Variants in KCNQ1 observed in about 807,000 individuals in gnomAD.
KCNQ1 encodes the protein potassium voltage-gated channel subfamily Q member 1, also known as potassium voltage-gated channel subfamily KQT member 1.
Under a neutral mutation model 72.4 loss-of-function variants are expected in KCNQ1, and 49 were observed. That is an observed-to-expected ratio of 0.68 (90% CI 0.54 to 0.86). The LOEUF (loss-of-function observed/expected upper bound fraction) is 0.86, where lower values mean the gene tolerates loss of function less well. Among genes scored for constraint, KCNQ1 ranks in the 40% least tolerant of loss-of-function variants. The probability of loss-of-function intolerance (pLI) is 0.00; values close to 1 mark genes in which losing one functional copy is unlikely to be tolerated. For missense variants in KCNQ1, 790 were observed against 945.1 expected (o/e 0.84, Z 2.15); for synonymous variants, 450 against 412.6 (o/e 1.09, Z -1.10).
intron 1 of KCNQ1, among the ~76,000 whole-genome samples, chr11:2,527,526 TTTAA>T (rs1259481372): frequency 2.0e-5 from 3 of 152,156 alleles, no homozygotes; most frequent in Non-Finnish European, 4.4e-5. Flanking sequence ...ATCCAGAACG[TTTAA>T]TTACCCCAAA....
rs1031832366 is a variant in KCNQ1 at position 2,746,038 on chromosome 11, C to A, written c.1515-22806C>A. Among the ~76,000 whole-genome samples the A allele has an allele frequency of 2.6e-5, 4 of 152,192 alleles. No individual in the cohort carries two copies. The highest frequency in any genetic ancestry group is 4.4e-5 in the Non-Finnish European group (3 of 67,998). On this transcript the variant is annotated intron_variant, in intron 11 of 15. Coordinates refer to ENST00000155840, the MANE Select transcript of KCNQ1 (RefSeq NM_000218.3). This position sits in a 1 kb window ranked among gnomAD's most constrained non-coding sequence, Gnocchi z 5.9. ...CTGAGTAGCTGGGACTACAGGTGTG[C>A]GCCACCACACCTAGCTAATTTTTGT...
chr11:2,639,488 G>T (rs1849534638), intron 10 of KCNQ1: 1 of 152,366 alleles, frequency 6.6e-6, no homozygotes, highest in Non-Finnish European at 1.5e-5. Flanking sequence ...TCCAGACCCT[G>T]TTTGCCTGGG....
At chr11:2,525,365 C>T (rs1316638200) in intron 1 of KCNQ1, among the ~76,000 whole-genome samples, 1 of 152,218 alleles carries the variant, frequency 6.6e-6, no homozygotes, top group Non-Finnish European at 1.5e-5. Context: ...CCGGAGGCTC[C>T]AGCTGTGTCT....
chr11:2,530,800 G>C (rs765115098), intron 2 of KCNQ1, among the ~76,000 whole-genome samples: 1 of 152,194 alleles, frequency 6.6e-6, no homozygotes, highest in African/African-American at 2.4e-5. Flanking sequence ...GTATGTTTAT[G>C]CATGGCTGTG....
At position 2,478,160 on chromosome 11, in the gene KCNQ1, C is replaced by T. The variant is rs189964456; in HGVS notation, c.386+32676C>T. On this transcript the variant is annotated intron_variant, in intron 1 of 15. Transcript: ENST00000155840. This position sits in a 1 kb window ranked among gnomAD's most constrained non-coding sequence, Gnocchi z 4.0. Reference sequence around the variant, plus strand: ...CACAGCTGTCCAGGGTCGAATCATCCGGAGACACAGGGCAAACCCACATGG... The same window carrying T: ...CACAGCTGTCCAGGGTCGAATCATCTGGAGACACAGGGCAAACCCACATGG... Among the ~76,000 whole-genome samples the T allele has an allele frequency of 4.6e-5, 7 of 152,256 alleles. No individual in the cohort carries two copies. The East Asian group carries it at 7.7e-4, about 17-fold the overall frequency.
rs1419448294 is a variant in KCNQ1, at chr11:2,687,811, C to T, written c.1514+25730C>T. On this transcript the variant is annotated intron_variant, in intron 11 of 15. Coordinates refer to ENST00000155840, the MANE Select transcript of KCNQ1 (RefSeq NM_000218.3). The surrounding 1 kb of genome is among the most constrained non-coding windows in gnomAD (Gnocchi z 5.0). Reference sequence around the variant, plus strand: ...CTAAGCCACCCAGCCTGGCCCCCCTCCTCTGCCCCAACTGGCTCCAGGCCA... The same window carrying T: ...CTAAGCCACCCAGCCTGGCCCCCCTTCTCTGCCCCAACTGGCTCCAGGCCA... 3 of 398,660 alleles carry T rather than the reference C, an allele frequency of 7.5e-6. No homozygotes were observed. Among genetic ancestry groups the T allele is most frequent in the Non-Finnish European group, 1.3e-5 (3 of 226,196 alleles). The allele number at this position is 398,660 out of a possible 1,614,324, so 24.7% of individuals were successfully genotyped here.
At position 2,772,186 on chromosome 11, in the gene KCNQ1, T is replaced by G. The variant is rs118172075; in HGVS notation, c.1590+3267T>G. Among the ~76,000 whole-genome samples the G allele has an allele frequency of 0.017, 2,527 of 152,006 alleles. 116 individuals are homozygous for G. The highest frequency in any genetic ancestry group is 0.13 in the East Asian group (689 of 5,134). ...TCCAGGGGCTCCCCTAGCCCACCTC[T>G]CAGGATGCTTCCCTTCCTCGACGCC... On this transcript the variant is annotated intron_variant, in intron 12 of 15. Transcript: ENST00000155840. This position sits in a 1 kb window ranked among gnomAD's most constrained non-coding sequence, Gnocchi z 6.6.
chr11:2,621,148 T>A lies in KCNQ1; in HGVS notation c.1393+32294T>A. ...GACCGCCACCATACCTGGCTAATTT[T>A]TGTGTTTTTAGTAGAGACGGGGTTT... On this transcript the variant is annotated intron_variant, in intron 10 of 15. Transcript: ENST00000155840. This position sits in a 1 kb window ranked among gnomAD's most constrained non-coding sequence, Gnocchi z 5.7. 2.5e-6 allele frequency: 1 copy of A among 397,366 alleles called. No individual in the cohort carries two copies. Among genetic ancestry groups the A allele is most frequent in the Non-Finnish European group, 4.4e-6 (1 of 225,864 alleles). The allele number at this position is 397,366 out of a possible 1,614,324, so 24.6% of individuals were successfully genotyped here. A position where few individuals can be genotyped will look rare whatever the true frequency, so the allele number is the denominator to read the frequency against.
chr11:2,844,767 T>C (rs1197048934), intron 15 of KCNQ1, among the ~76,000 whole-genome samples: 5 of 152,254 alleles, frequency 3.3e-5, no homozygotes. Flanking sequence ...CTTGGACAGA[T>C]GTTCGAGTGC....
rs1416586260 is a variant in KCNQ1 at position 2,659,607 on chromosome 11, TTGGG to T, written c.1394-2349_1394-2346del. ...TTGCGAACATAAAAATTCAATTCAC[TTGGG>T]TGGGAAAGGAACCGATAGGTCATGT... On this transcript the variant is annotated intron_variant, in intron 10 of 15. Transcript: ENST00000155840. This position sits in a 1 kb window ranked among gnomAD's most constrained non-coding sequence, Gnocchi z 4.3. The T allele has an allele frequency of 2.5e-6, 1 of 398,426 alleles. No individual in the cohort carries two copies. Among genetic ancestry groups the T allele is most frequent in the Non-Finnish European group, 4.4e-6 (1 of 226,034 alleles). 24.7% of individuals were successfully genotyped at this position (398,426 alleles called of 1,614,324 possible). A position where few individuals can be genotyped will look rare whatever the true frequency, so the allele number is the denominator to read the frequency against.
chr11:2,657,366 ATCT>A lies in KCNQ1; in HGVS notation c.1394-4589_1394-4587del, dbSNP rs1849868327. On this transcript the variant is annotated intron_variant, in intron 10 of 15. Coordinates refer to ENST00000155840, the MANE Select transcript of KCNQ1 (RefSeq NM_000218.3). This position sits in a 1 kb window ranked among gnomAD's most constrained non-coding sequence, Gnocchi z 4.8. ...AATGAAGGCATATTTCTCCATTTAT[ATCT>A]TCTTCATTGTCTCTTACTAAAGTTT... is the stretch of plus-strand genomic sequence containing the variant. 5.0e-6 allele frequency: 2 copies of A among 398,442 alleles called. No homozygotes were observed. Among genetic ancestry groups the A allele is most frequent in the African/African-American group, 2.1e-5 (1 of 48,614 alleles). 24.7% of individuals were successfully genotyped at this position (398,442 alleles called of 1,614,324 possible).
rs2134028586 is a variant in KCNQ1, at chr11:2,803,328, G to C, written c.1794+25291G>C. On this transcript the variant is annotated intron_variant, in intron 15 of 15. Coordinates refer to ENST00000155840, the MANE Select transcript of KCNQ1 (RefSeq NM_000218.3). This position sits in a 1 kb window ranked among gnomAD's most constrained non-coding sequence, Gnocchi z 6.4. The stretch of plus-strand genomic sequence containing the variant: ...CTTCCTGGGGGCCCAGGTCAGCCTG[G>C]ACGGTGGCAGGACTCGGCGAGGTGG... Among the ~76,000 whole-genome samples the C allele has an allele frequency of 6.6e-6, 1 of 152,356 alleles. No individual in the cohort carries two copies. Among genetic ancestry groups the C allele is most frequent in the East Asian group, 1.9e-4 (1 of 5,180 alleles).
intron 6 of KCNQ1, among the ~76,000 whole-genome samples, chr11:2,577,204 C>A (rs558980795): frequency 1.3e-5 from 2 of 152,306 alleles, no homozygotes; most frequent in African/African-American, 4.8e-5. Context: ...TGCCAGGCAC[C>A]GGCAGGGGTT....
chr11:2,578,513 C>T (rs777941071), intron 6 of KCNQ1, among the ~76,000 whole-genome samples: 4 of 152,242 alleles, frequency 2.6e-5, no homozygotes, highest in African/African-American at 4.8e-5. Context: ...CCCAGCTCTG[C>T]GAGATCCTGC....
Position 2,486,866 on chromosome 11 carries a change from A to G in KCNQ1, c.387-41062A>G, listed in dbSNP as rs939347598. Among the ~76,000 whole-genome samples, 8 of 152,156 alleles carry G rather than the reference A, an allele frequency of 5.3e-5. No individual in the cohort carries two copies. Among genetic ancestry groups the G allele is most frequent in the Non-Finnish European group, 7.4e-5 (5 of 68,014 alleles). ...CAGCACCCACCAGGCCCCACCTCCA[A>G]CGCTGGGGATCACATTTCAACATGA... On this transcript the variant is annotated intron_variant, in intron 1 of 15. Coordinates refer to ENST00000155840, the MANE Select transcript of KCNQ1 (RefSeq NM_000218.3). The surrounding 1 kb of genome is among the most constrained non-coding windows in gnomAD (Gnocchi z 5.0).
rs764550076 is a variant in KCNQ1 at position 2,768,820 on chromosome 11, T to A, written c.1515-24T>A. On this transcript the variant is annotated intron_variant, in intron 11 of 15. Coordinates refer to ENST00000155840, the MANE Select transcript of KCNQ1 (RefSeq NM_000218.3). This position sits in a 1 kb window ranked among gnomAD's most constrained non-coding sequence, Gnocchi z 6.7. ...ACCAGCACAGGGTGGCCACTCACAA[T>A]CTCCTCTCCTCTCTCCACTGCAGGC... 1 of 1,605,796 alleles carries A rather than the reference T, an allele frequency of 6.2e-7. No individual in the cohort carries two copies. The highest frequency in any genetic ancestry group is 1.1e-5 in the South Asian group (1 of 90,906).
At chr11:2,802,313 G>A (rs1019478140) in intron 15 of KCNQ1, among the ~76,000 whole-genome samples, 9 of 152,310 alleles carry the variant, frequency 5.9e-5, no homozygotes, top group African/African-American at 9.6e-5. Flanking sequence ...CGGCCCTGTC[G>A]CCAGCCGGCA....
chr11:2,721,005 G>C (rs540108276), intron 11 of KCNQ1, among the ~76,000 whole-genome samples: 12 of 152,238 alleles, frequency 7.9e-5, no homozygotes, highest in Non-Finnish European at 4.4e-5. Context: ...CAGAGCCATG[G>C]ACGGTCCCTG....
In KCNQ1 at chr11:2,685,124, T is replaced by C. The variant is rs1021896003; in HGVS notation, c.1514+23043T>C. ...CCTTTTGGCACGGGGGGTCTGATGG[T>C]CAGAGCTAATCAGGTGTGGAAGAAG... On this transcript the variant is annotated intron_variant, in intron 11 of 15. Coordinates refer to ENST00000155840, the MANE Select transcript of KCNQ1 (RefSeq NM_000218.3). 12 of 398,522 alleles carry C rather than the reference T, an allele frequency of 3.0e-5. No homozygotes were observed. The highest frequency in any genetic ancestry group is 1.4e-4 in the African/African-American group (7 of 48,614). 24.7% of individuals were successfully genotyped at this position (398,522 alleles called of 1,614,324 possible).
Sources: gnomAD v4.1 joint callset for allele counts (sites outside exome capture counted in the v4.1 genomes callset) on GRCh38, gnomAD v4.1.1 for gene constraint, Gnocchi (gnomAD v3.1) non-coding constraint, MANE v1.5 for transcripts, NCBI Gene and HGNC (gene_info 2026-07-23, HGNC 2026-07-21) for gene names.